The following P2RX3 variants were observed in gnomAD, a reference collection of about 807,000 sequenced individuals.
P2RX3 encodes purinergic receptor P2X 3, also known as P2X purinoceptor 3.
P2RX3 carries 41 observed loss-of-function variants against 51.5 expected under a neutral mutation model. The observed-to-expected ratio is 0.80, with a 90% CI of 0.62 to 1.03. The LOEUF (loss-of-function observed/expected upper bound fraction) is 1.03, where lower values mean the gene tolerates loss of function less well. Ranked by LOEUF, P2RX3 falls within the 50% of genes least tolerant of loss-of-function variation. P2RX3 has a pLI of 0.00. For synonymous variants in P2RX3, 185 were observed against 191.6 expected, an observed-to-expected ratio of 0.97 and a Z score of 0.29; for missense variants, 459 against 522.1, an observed-to-expected ratio of 0.88 and a Z score of 1.18.
At chr11:57,348,882 G>A (rs1258665189) in intron 6 of P2RX3, among the ~76,000 whole-genome samples, 178 bp downstream of exon 6, 1 of 152,174 alleles carries the variant, frequency 6.6e-6, no homozygotes, top group Non-Finnish European at 1.5e-5. Context: ...TGAGGATCAG[G>A]TGAACTTTGG....
intron 2 of P2RX3, 134 bp downstream of exon 2, chr11:57,346,813 C>G: frequency 7.6e-7 from 1 of 1,307,264 alleles, no homozygotes; most frequent in East Asian, 2.5e-5. Flanking sequence ...AGGACCTCTC[C>G]CCCAGCAGCT....
chr11:57,349,697 AT>A, intron 6 of P2RX3, 59 bp from the exon 7 acceptor site: 1 of 1,607,480 alleles, frequency 6.2e-7, no homozygotes, highest in Non-Finnish European at 8.5e-7. Flanking sequence ...GCGGGGAGAG[AT>A]TGCACAAGAC....
rs745923562 is a variant in P2RX3 at position 57,371,357 on chromosome 11, T to C, written c.*1360T>C. Among the ~76,000 whole-genome samples, 1 of 152,256 alleles carries C rather than the reference T, an allele frequency of 6.6e-6. No homozygotes were observed. The highest frequency in any genetic ancestry group is 1.5e-5 in the Non-Finnish European group (1 of 68,042). ...AAAATTAGGTATTAGAAGGGGCTCATGCAAGTGAATGAGCCTAAAGAATGT... is the reference window on the plus strand; with the variant it reads ...AAAATTAGGTATTAGAAGGGGCTCACGCAAGTGAATGAGCCTAAAGAATGT... On this transcript the variant is annotated 3_prime_UTR_variant, in exon 12 of 12. Transcript: ENST00000263314.
chr11:57,350,025 C>G (rs1856515636), intron 7 of P2RX3, 127 bp downstream of exon 7: 2 of 1,399,764 alleles, frequency 1.4e-6, no homozygotes. Context: ...TGGAAGCATC[C>G]CAGGCCGCCA....
At chr11:57,344,973 A>G (rs1370238610) in intron 1 of P2RX3, among the ~76,000 whole-genome samples, 1 of 152,160 alleles carries the variant, frequency 6.6e-6, no homozygotes, top group African/African-American at 2.4e-5. Context: ...CATTCAGTCC[A>G]GCCTCCACCT....
At position 57,368,090 on chromosome 11, in the gene P2RX3, G is replaced by A. The variant is rs766795842; in HGVS notation, c.924G>A (p.Leu308=). The A allele has an allele frequency of 1.7e-5, 28 of 1,614,006 alleles. No homozygotes were observed. The South Asian group carries it at 2.3e-4, about 13-fold the overall frequency. The change falls in exon 9 of 12, where the codon CTG becomes CTA. Residue 308 remains leucine, a synonymous_variant. Transcript: ENST00000263314. The part of the protein sequence containing the change: ...LKAFGIRFDV[L]VYGNAGKFNI... ...CTTTTGGCATCCGCTTCGACGTGCT[G>A]GTATACGGGAATGTGAGTCCATGGG...
chr11:57,339,057 C>T (rs1296999096), intron 1 of P2RX3, among the ~76,000 whole-genome samples: 2 of 152,168 alleles, frequency 1.3e-5, no homozygotes, highest in Non-Finnish European at 2.9e-5. Flanking sequence ...TCAGTCAAGT[C>T]TTCGGGGTCT....
At chr11:57,348,460 A>G (rs1856483256) in intron 5 of P2RX3, 167 bp from the exon 6 acceptor site, 1 of 698,678 alleles carries the variant, frequency 1.4e-6, no homozygotes, top group Admixed American at 2.7e-5. Context: ...TCCTGCTGTG[A>G]CACTCAGGCA....
In P2RX3 at chr11:57,347,452, G is replaced by C; in HGVS notation, c.365G>C (p.Cys122Ser). 6.4e-7 allele frequency: 1 copy of C among 1,558,374 alleles called. No homozygotes were observed. The highest frequency in any genetic ancestry group is 8.7e-7 in the Non-Finnish European group (1 of 1,150,722). Reference sequence around the variant, plus strand: ...TACCGCTGTGTATCAGACAGCCAGTGCGGGCCTGAGCGCTTGCCAGGTGGG... The same window carrying C: ...TACCGCTGTGTATCAGACAGCCAGTCCGGGCCTGAGCGCTTGCCAGGTGGG... ...EKYRCVSDSQCGPERLPGGGI... is the reference protein window; with the variant it reads ...EKYRCVSDSQSGPERLPGGGI... The change falls in exon 4 of 12, where the codon TGC (cysteine) becomes TCC (serine). Residue 122 changes from cysteine (C) to serine (S), a missense_variant. Transcript: ENST00000263314.
At chr11:57,350,659 T>C (rs940874310) in intron 7 of P2RX3, 103 bp from the exon 8 acceptor site, 9 of 1,476,532 alleles carry the variant, frequency 6.1e-6, no homozygotes, top group African/African-American at 1.4e-5. Context: ...ACCTGGAGGA[T>C]GGGAGGAAAT....
At position 57,354,732 on chromosome 11, in the gene P2RX3, AGT is replaced by A. The variant is rs141122988; in HGVS notation, c.842+3848_842+3849del. Among the ~76,000 whole-genome samples the A allele has an allele frequency of 7.1e-3, 1,077 of 150,852 alleles. 11 individuals carry two copies. The highest frequency in any genetic ancestry group is 0.024 in the African/African-American group (995 of 41,258). ...GTGTGAGGCTGAGAGTGAGTGTGTC[AGT>A]GTGTGTGTGTGTGCGTGAGTGTATA... On this transcript the variant is annotated intron_variant, in intron 8 of 11. Transcript: ENST00000263314.
intron 1 of P2RX3, 127 bp from the exon 2 acceptor site, chr11:57,346,417 G>A: frequency 8.5e-7 from 1 of 1,172,548 alleles, no homozygotes; most frequent in Non-Finnish European, 1.2e-6. Context: ...TCACGCCTCT[G>A]GAAGGAACCA....
chr11:57,369,909 C>T lies in P2RX3; in HGVS notation c.1106C>T (p.Ala369Val), dbSNP rs200822129. Reference sequence around the variant, plus strand: ...GTGAATGAGACTACGCTGAAAATCGCGGCTTTGACCAACCCAGTGTACCCC... The same window carrying T: ...GTGAATGAGACTACGCTGAAAATCGTGGCTTTGACCAACCCAGTGTACCCC... ...EEVNETTLKIAALTNPVYPSD... is the reference protein window; with the variant it reads ...EEVNETTLKIVALTNPVYPSD... Residue 369 changes from alanine (A) to valine (V), a missense_variant, in exon 12 of 12, where the codon GCG becomes GTG. Physicochemically the swap from Ala to Val is moderately conservative, Grantham distance 64 (BLOSUM62 0). Coordinates refer to ENST00000263314, the MANE Select transcript of P2RX3 (RefSeq NM_002559.5). 5.8e-5 allele frequency: 94 copies of T among 1,613,866 alleles called. No homozygotes were observed. Among genetic ancestry groups the T allele is most frequent in the East Asian group, 3.8e-4 (17 of 44,862 alleles).
At chr11:57,342,208 G>A (rs188262290) in intron 1 of P2RX3, among the ~76,000 whole-genome samples, 190 of 144,616 alleles carry the variant, frequency 1.3e-3, no homozygotes, top group African/African-American at 4.1e-3. Context: ...CCCTCAGGCC[G>A]GAGTGCAGTG....
intron 8 of P2RX3, among the ~76,000 whole-genome samples, chr11:57,362,197 C>A (rs775315950): frequency 6.6e-6 from 1 of 152,134 alleles, no homozygotes; most frequent in Non-Finnish European, 1.5e-5. Context: ...ACATCTGTGT[C>A]TGTGGGATGT....
chr11:57,357,181 C>T (rs1365951588), intron 8 of P2RX3, among the ~76,000 whole-genome samples: 6 of 146,504 alleles, frequency 4.1e-5, no homozygotes, highest in Non-Finnish European at 3.1e-5. Flanking sequence ...ATCAGCCAGG[C>T]GTGGTGGCAC....
At chr11:57,346,112 G>C (rs749289198) in intron 1 of P2RX3, among the ~76,000 whole-genome samples, 11 of 152,170 alleles carry the variant, frequency 7.2e-5, no homozygotes, top group Non-Finnish European at 1.3e-4. Context: ...CTGTCCTTCT[G>C]TCTCCTGGGT....
At chr11:57,346,746 C>A (rs1236868613) in intron 2 of P2RX3, 67 bp downstream of exon 2, 8 of 1,578,354 alleles carry the variant, frequency 5.1e-6, no homozygotes, top group Middle Eastern at 2.3e-4. Flanking sequence ...AGGGAGAAAG[C>A]GAGCAAAGAG....
chr11:57,351,557 C>G (rs1856548475), intron 8 of P2RX3, among the ~76,000 whole-genome samples: 1 of 152,204 alleles, frequency 6.6e-6, no homozygotes, highest in Non-Finnish European at 1.5e-5. Flanking sequence ...TTGGAAGCAA[C>G]TGAAAGCGCT....
Sources: allele counts gnomAD v4.1 joint callset (sites outside exome capture counted in the v4.1 genomes callset), GRCh38; gene constraint gnomAD v4.1.1; transcripts MANE v1.5; gene names NCBI Gene and HGNC (gene_info 2026-07-23, HGNC 2026-07-21).